HSD17B4: variants seen among roughly 807,000 people sequenced by gnomAD.
The protein encoded by HSD17B4 is peroxisomal multifunctional enzyme type 2.
A neutral mutation model predicts 101.0 loss-of-function variants in HSD17B4; 70 were observed. The ratio of observed to expected loss-of-function variants is 0.69; its 90% CI spans 0.57 to 0.85. HSD17B4 has a LOEUF of 0.85. HSD17B4 is among the 40% of genes least tolerant of loss of function. The pLI is 0.00. For synonymous variants in HSD17B4, 347 were observed against 297.1 expected (o/e 1.17, Z -1.73); for missense variants, 984 against 892.4 (o/e 1.10, Z -1.31).
intron 2 of HSD17B4, among the ~76,000 whole-genome samples, chr5:119,468,261 G>A (rs1449754610): frequency 6.6e-6 from 1 of 152,130 alleles, no homozygotes; most frequent in East Asian, 1.9e-4. Flanking sequence ...TCACTTTCAA[G>A]TGTAGGACTC....
chr5:119,453,152 G>A (rs1355786735), intron 1 of HSD17B4, among the ~76,000 whole-genome samples: 5 of 152,208 alleles, frequency 3.3e-5, no homozygotes, highest in African/African-American at 9.6e-5. Context: ...TAAAGAGGGC[G>A]TCTGATAAGA....
intron 2 of HSD17B4, among the ~76,000 whole-genome samples, chr5:119,469,846 T>C: frequency 6.6e-6 from 1 of 152,226 alleles, no homozygotes; most frequent in Non-Finnish European, 1.5e-5. Flanking sequence ...TTGGCTGTAA[T>C]CAACATCAAC....
intron 11 of HSD17B4, chr5:119,495,729 G>T (rs1411143014): frequency 1.1e-5 from 2 of 187,812 alleles, no homozygotes; most frequent in Non-Finnish European, 2.3e-5. Flanking sequence ...GGAGTATGGT[G>T]GCATGATCTC....
chr5:119,479,257 A>T (rs1200882017), intron 8 of HSD17B4, among the ~76,000 whole-genome samples: 1 of 151,910 alleles, frequency 6.6e-6, no homozygotes, highest in Non-Finnish European at 1.5e-5. Context: ...TTCTCTGCAT[A>T]TTCATAATTT....
intron 17 of HSD17B4, among the ~76,000 whole-genome samples, chr5:119,517,949 G>C (rs369413524): frequency 1.3e-5 from 2 of 152,166 alleles, no homozygotes; most frequent in African/African-American, 4.8e-5. Flanking sequence ...TGATGGGGAC[G>C]TGGAGAACCT....
chr5:119,454,951 TTATG>T (rs1346665950), intron 1 of HSD17B4, among the ~76,000 whole-genome samples: 2 of 152,328 alleles, frequency 1.3e-5, no homozygotes, highest in East Asian at 3.9e-4. Context: ...GGCTAATAAT[TTATG>T]TATCTCAGTT....
intron 14 of HSD17B4, among the ~76,000 whole-genome samples, chr5:119,503,201 C>T (rs1280376212): frequency 6.6e-6 from 1 of 151,430 alleles, no homozygotes; most frequent in Non-Finnish European, 1.5e-5. Flanking sequence ...GTACCCAGCC[C>T]TATGGGTCCA....
chr5:119,524,021 A>G (rs754138790), intron 17 of HSD17B4, among the ~76,000 whole-genome samples: 2 of 152,100 alleles, frequency 1.3e-5, no homozygotes, highest in Non-Finnish European at 2.9e-5. Context: ...ATACATCATG[A>G]TATATATTTG....
Position 119,494,796 on chromosome 5 carries a change from T to A in HSD17B4, c.868+850T>A, listed in dbSNP as rs564551207. 3.9e-5 allele frequency among the ~76,000 whole-genome samples: 6 copies of A among 152,292 alleles called. No individual in the cohort carries two copies. The East Asian group carries it at 1.2e-3, about 29-fold the overall frequency. ...TAGTGCTGAACTCATAGAAGGGACT[T>A]AATAATTGCTTATTAACTTGAATTA... On this transcript the variant is annotated intron_variant, in intron 11 of 23. Coordinates refer to ENST00000510025, the MANE Select transcript of HSD17B4 (RefSeq NM_000414.4).
At chr5:119,539,134 G>A (rs754505868) in intron 23 of HSD17B4, among the ~76,000 whole-genome samples, 1 of 152,112 alleles carries the variant, frequency 6.6e-6, no homozygotes. Flanking sequence ...ATGATACAGA[G>A]TATCATTCTA....
At chr5:119,504,234 G>T (rs1474648248) in intron 14 of HSD17B4, among the ~76,000 whole-genome samples, 1 of 151,890 alleles carries the variant, frequency 6.6e-6, no homozygotes, top group African/African-American at 2.4e-5. Flanking sequence ...TAGTGCTGCA[G>T]TGAGCATATG....
intron 17 of HSD17B4, among the ~76,000 whole-genome samples, chr5:119,516,739 TAGA>T (rs929982531): frequency 2.0e-4 from 31 of 152,222 alleles, no homozygotes; most frequent in African/African-American, 7.5e-4. Flanking sequence ...ACAAGTCAAT[TAGA>T]AGAAGTGTCA....
intron 8 of HSD17B4, 27 bp from the exon 9 acceptor site, chr5:119,489,165 A>G: frequency 7.2e-7 from 1 of 1,384,894 alleles, no homozygotes; most frequent in South Asian, 1.2e-5. Context: ...AATGATTGAT[A>G]AGATATGTGT....
At chr5:119,465,209 A>G (rs1466877997) in intron 2 of HSD17B4, among the ~76,000 whole-genome samples, 1 of 151,984 alleles carries the variant, frequency 6.6e-6, no homozygotes, top group Non-Finnish European at 1.5e-5. Context: ...ATTTATTTCT[A>G]GGTACTTTAT....
At chr5:119,519,006 G>A (rs960750329) in intron 17 of HSD17B4, among the ~76,000 whole-genome samples, 1 of 152,100 alleles carries the variant, frequency 6.6e-6, no homozygotes, top group Non-Finnish European at 1.5e-5. Flanking sequence ...GAGCATGGTG[G>A]CATACGCCTA....
At chr5:119,453,079 TTCGGTCGTTCAGTGTTTGTTTCCC>T (rs1754239000) in intron 1 of HSD17B4, among the ~76,000 whole-genome samples, 1 of 152,244 alleles carries the variant, frequency 6.6e-6, no homozygotes, top group South Asian at 2.1e-4. Flanking sequence ...TGAAAAGTCA[TTCGGTCGTTCAGTGTTTGTTTCCC>T]TCTGTCGTAA....
intron 2 of HSD17B4, among the ~76,000 whole-genome samples, chr5:119,460,151 A>G (rs1041434283): frequency 1.3e-4 from 20 of 151,382 alleles, no homozygotes; most frequent in African/African-American, 4.4e-4. Flanking sequence ...CAGGGATTAC[A>G]GGTGTGAGCC....
intron 23 of HSD17B4, 96 bp from the exon 24 acceptor site, chr5:119,541,809 C>G: frequency 1.3e-6 from 1 of 757,946 alleles, no homozygotes. Flanking sequence ...ATTATTAGCT[C>G]AATTGTATTC....
rs760476837 is a variant in HSD17B4 at position 119,529,931 on chromosome 5, A to G, written c.1805A>G (p.Tyr602Cys). ...GGAGACATTGTCATTTCAAATGCAT[A>G]TGTGGATCTTGCACCAACATCTGGT... ...ETGDIVISNA[Y>C]VDLAPTSGTS... is the part of the protein sequence containing the mutation. The change falls in exon 21 of 24, where the codon TAT becomes TGT. Residue 602 changes from tyrosine to cysteine, a missense_variant. Coordinates refer to ENST00000510025, the MANE Select transcript of HSD17B4 (RefSeq NM_000414.4). 2.5e-5 allele frequency: 41 copies of G among 1,610,660 alleles called. No individual in the cohort carries two copies. Among genetic ancestry groups the G allele is most frequent in the Non-Finnish European group, 3.4e-5 (40 of 1,177,536 alleles).
Sources: allele counts gnomAD v4.1 joint callset (sites outside exome capture counted in the v4.1 genomes callset), GRCh38; gene constraint gnomAD v4.1.1; transcripts MANE v1.5; gene names NCBI Gene and HGNC (gene_info 2026-07-23, HGNC 2026-07-21).